ZC3HC1: variants seen among roughly 807,000 people sequenced by gnomAD.
The protein encoded by ZC3HC1 is zinc finger C3HC-type protein 1.
ZC3HC1 carries 38 observed loss-of-function variants against 61.9 expected under a neutral mutation model. That is an observed-to-expected ratio of 0.61 (90% CI 0.47 to 0.81). The LOEUF is 0.81. ZC3HC1 is among the 30% of genes least tolerant of loss of function. ZC3HC1 has a pLI of 0.00. For synonymous variants in ZC3HC1, 213 were observed against 229.9 expected, an observed-to-expected ratio of 0.93 and a Z score of 0.67; for missense variants, 554 against 622.7, an observed-to-expected ratio of 0.89 and a Z score of 1.17.
chr7:130,044,523 G>T (rs559976328), intron 2 of ZC3HC1, among the ~76,000 whole-genome samples: 33 of 152,174 alleles, frequency 2.2e-4, no homozygotes, highest in African/African-American at 7.5e-4. Context: ...ACTAAATAAG[G>T]AACAACTGGA....
chr7:130,040,497 C>CAAAA (rs35982469), intron 3 of ZC3HC1, among the ~76,000 whole-genome samples: 7 of 44,116 alleles, frequency 1.6e-4, no homozygotes, highest in African/African-American at 3.6e-4. Flanking sequence ...GACTCCGTCT[C>CAAAA]AAAAAAAAAA....
At chr7:130,049,185 T>C in intron 1 of ZC3HC1, 41 bp from the exon 2 acceptor site, 2 of 1,450,892 alleles carry the variant, frequency 1.4e-6, no homozygotes, top group Non-Finnish European at 1.9e-6. Context: ...CCTTTCACAG[T>C]ACCCTCTGCT....
At chr7:130,040,805 T>C (rs1794625609) in intron 3 of ZC3HC1, 146 bp downstream of exon 3, 2 of 749,014 alleles carry the variant, frequency 2.7e-6, no homozygotes, top group African/African-American at 9.0e-5. Flanking sequence ...CAAGACCCCA[T>C]CTCAAAAAAA....
chr7:130,026,970 A>C (rs1039701333), intron 5 of ZC3HC1: 4 of 130,910 alleles, frequency 3.1e-5, no homozygotes, highest in Non-Finnish European at 6.5e-5. Context: ...ACTCCGTATC[A>C]AAAAAAAAAA....
In ZC3HC1 at chr7:130,023,786, T is replaced by G; in HGVS notation, c.1021-63A>C. 1.5e-6 allele frequency: 2 copies of G among 1,357,658 alleles called. No homozygotes were observed. Among genetic ancestry groups the G allele is most frequent in the Admixed American group, 2.3e-5 (1 of 43,622 alleles). 84.1% of individuals were successfully genotyped at this position (1,357,658 alleles called of 1,614,324 possible). On this transcript the variant is annotated intron_variant, in intron 7 of 9. Transcript: ENST00000358303. The surrounding 1 kb of genome is among the most constrained non-coding windows in gnomAD (Gnocchi z 4.2). Reference sequence around the variant, plus strand: ...TATTAATGATTATGGTCAGAAATACTTCTTTCTTTAATCTTTTTTCTTTTT... The same window carrying G: ...TATTAATGATTATGGTCAGAAATACGTCTTTCTTTAATCTTTTTTCTTTTT...
At chr7:130,021,993 G>A (rs1391449447) in intron 9 of ZC3HC1, among the ~76,000 whole-genome samples, 1 of 152,040 alleles carries the variant, frequency 6.6e-6, no homozygotes, top group Non-Finnish European at 1.5e-5. Flanking sequence ...TGGCCAACAT[G>A]GTGAAACCCT....
intron 4 of ZC3HC1, among the ~76,000 whole-genome samples, chr7:130,029,992 G>A (rs79901309): frequency 0.025 from 3,831 of 152,208 alleles, 57 homozygotes; most frequent in African/African-American, 0.037. Flanking sequence ...TGGAAAAGAA[G>A]GAATCTGCCT....
chr7:130,034,743 G>A (rs1794365387), intron 4 of ZC3HC1, among the ~76,000 whole-genome samples: 1 of 152,044 alleles, frequency 6.6e-6, no homozygotes. Context: ...CTCCCACCTT[G>A]GCCCTGCAAA....
chr7:130,048,143 G>GTTTTTTT (rs11364921), intron 2 of ZC3HC1, among the ~76,000 whole-genome samples: 1 of 73,736 alleles, frequency 1.4e-5, no homozygotes, highest in Non-Finnish European at 2.4e-5. Context: ...TTTCCTAGTT[G>GTTTTTTT]TTTTTTTTTT....
At chr7:130,020,274 CTTTTTTTT>C (rs531130416) in intron 9 of ZC3HC1, among the ~76,000 whole-genome samples, 44 of 134,674 alleles carry the variant, frequency 3.3e-4, no homozygotes, top group Middle Eastern at 3.9e-3. Flanking sequence ...ACACTTTTTT[CTTTTTTTT>C]TTTTTTTTGA....
At position 130,023,496 on chromosome 7, in the gene ZC3HC1, G is replaced by T. The variant is rs761474064; in HGVS notation, c.1233+15C>A. The T allele has an allele frequency of 6.2e-7, 1 of 1,613,276 alleles. No individual in the cohort carries two copies. The highest frequency in any genetic ancestry group is 1.7e-5 in the Admixed American group (1 of 60,000). On this transcript the variant is annotated intron_variant, in intron 8 of 9. Coordinates refer to ENST00000358303, the MANE Select transcript of ZC3HC1 (RefSeq NM_016478.5). The surrounding 1 kb of genome is among the most constrained non-coding windows in gnomAD (Gnocchi z 4.2). ...TGTTTATGCTCAGCCACTGCTACATGCGAGGTGGACTCACCGAACTGCTGG... is the reference window on the plus strand; with the variant it reads ...TGTTTATGCTCAGCCACTGCTACATTCGAGGTGGACTCACCGAACTGCTGG...
intron 1 of ZC3HC1, among the ~76,000 whole-genome samples, chr7:130,049,725 T>C (rs919652752): frequency 1.1e-4 from 17 of 151,826 alleles, no homozygotes; most frequent in Non-Finnish European, 2.9e-5. Context: ...TAATTTTTTG[T>C]ATCTTTAGGA....
At chr7:130,037,581 A>T (rs1794477053) in intron 4 of ZC3HC1, among the ~76,000 whole-genome samples, 1 of 152,246 alleles carries the variant, frequency 6.6e-6, no homozygotes, top group Non-Finnish European at 1.5e-5. Context: ...CTATTTCAAC[A>T]GCAGGAAATC....
Position 130,018,426 on chromosome 7 carries a change from C to A in ZC3HC1, c.*238G>T. 1 of 456,704 alleles carries A rather than the reference C, an allele frequency of 2.2e-6. No individual in the cohort carries two copies. Among genetic ancestry groups the A allele is most frequent in the Non-Finnish European group, 3.9e-6 (1 of 253,724 alleles). The allele number at this position is 456,704 out of a possible 1,614,324, so 28.3% of individuals were successfully genotyped here. A position where few individuals can be genotyped will look rare whatever the true frequency, so the allele number is the denominator to read the frequency against. Reference sequence around the variant, plus strand: ...TTCCTTCTAGTCTGTTAATCCCACACTCCTTTAACAGAACCATGCTTGCTG... The same window carrying A: ...TTCCTTCTAGTCTGTTAATCCCACAATCCTTTAACAGAACCATGCTTGCTG... On this transcript the variant is annotated 3_prime_UTR_variant, in exon 10 of 10. Transcript: ENST00000358303.
At chr7:130,026,986 A>T (rs1563076335) in intron 5 of ZC3HC1, 1 of 151,090 alleles carries the variant, frequency 6.6e-6, no homozygotes. Context: ...AAAAAAAAAA[A>T]AAAATTAAAG....
intron 2 of ZC3HC1, among the ~76,000 whole-genome samples, chr7:130,047,536 C>T (rs1290879883): frequency 6.6e-6 from 1 of 151,984 alleles, no homozygotes; most frequent in African/African-American, 2.4e-5. Context: ...CCAGGTTTGG[C>T]GGCTCAGGCC....
At position 130,023,798 on chromosome 7, in the gene ZC3HC1, T is replaced by A; in HGVS notation, c.1021-75A>T. 7.9e-7 allele frequency: 1 copy of A among 1,259,776 alleles called. No individual in the cohort carries two copies. Among genetic ancestry groups the A allele is most frequent in the Non-Finnish European group, 1.1e-6 (1 of 915,726 alleles). 78.0% of individuals were successfully genotyped at this position (1,259,776 alleles called of 1,614,324 possible). A position where few individuals can be genotyped will look rare whatever the true frequency, so the allele number is the denominator to read the frequency against. On this transcript the variant is annotated intron_variant, in intron 7 of 9. Coordinates refer to ENST00000358303, the MANE Select transcript of ZC3HC1 (RefSeq NM_016478.5). This position sits in a 1 kb window ranked among gnomAD's most constrained non-coding sequence, Gnocchi z 4.2. ...TGGTCAGAAATACTTCTTTCTTTAA[T>A]CTTTTTTCTTTTTTTTTTTGAGACA... is the stretch of plus-strand genomic sequence containing the variant.
At chr7:130,030,360 T>A (rs1794123119) in intron 4 of ZC3HC1, among the ~76,000 whole-genome samples, 1 of 151,882 alleles carries the variant, frequency 6.6e-6, no homozygotes, top group Non-Finnish European at 1.5e-5. Context: ...ACACCACACC[T>A]GGTTAATTTT....
chr7:130,024,364 C>G lies in ZC3HC1; in HGVS notation c.919G>C (p.Gly307Arg), dbSNP rs375012856. 2.5e-6 allele frequency: 4 copies of G among 1,614,122 alleles called. No individual in the cohort carries two copies. The highest frequency in any genetic ancestry group is 8.5e-7 in the Non-Finnish European group (1 of 1,180,024). Residue 307 changes from glycine (G) to arginine (R), a missense_variant, in exon 7 of 10, where the codon GGC becomes CGC. Transcript: ENST00000358303. Reference protein sequence around the residue: ...SFGLTSSPIPGLEGRPERLPL... With the variant: ...SFGLTSSPIPRLEGRPERLPL... ...AAGCGCTCTGGTCGCCCCTCAAGGC[C>G]TGGGATTGGGGAGCTGGTCAGGCCA...
Sources: allele counts gnomAD v4.1 joint callset (sites outside exome capture counted in the v4.1 genomes callset), GRCh38; gene constraint gnomAD v4.1.1; non-coding constraint Gnocchi (gnomAD v3.1); transcripts MANE v1.5; gene names NCBI Gene and HGNC (gene_info 2026-07-23, HGNC 2026-07-21).